The following ZFPM2 variants were observed in gnomAD, a reference collection of about 807,000 sequenced individuals.
ZFPM2 encodes the protein zinc finger protein, FOG family member 2.
A neutral mutation model predicts 98.6 loss-of-function variants in ZFPM2; 20 were observed. That is an observed-to-expected ratio of 0.20 (90% CI 0.14 to 0.29). The LOEUF is 0.29. ZFPM2 is among the 10% of genes least tolerant of loss of function. The pLI, the probability that ZFPM2 is intolerant of heterozygous loss-of-function variation, is 1.00. For missense variants in ZFPM2, 1,310 were observed against 1,388.6 expected, an observed-to-expected ratio of 0.94 and a Z score of 0.90; for synonymous variants, 518 against 502.7, an observed-to-expected ratio of 1.03 and a Z score of -0.41.
intron 5 of ZFPM2, among the ~76,000 whole-genome samples, chr8:105,778,036 C>T (rs1813145752): frequency 6.6e-6 from 1 of 152,156 alleles, no homozygotes; most frequent in Admixed American, 6.5e-5. Context: ...CACAATACCT[C>T]ATATTCCTAC....
At chr8:105,745,185 A>G (rs1037188546) in intron 5 of ZFPM2, among the ~76,000 whole-genome samples, 2 of 152,106 alleles carry the variant, frequency 1.3e-5, no homozygotes, top group Admixed American at 1.3e-4. Flanking sequence ...TACAGAAGCT[A>G]TATTGTATCA....
chr8:105,771,054 A>G (rs1252248317), intron 5 of ZFPM2, among the ~76,000 whole-genome samples: 1 of 152,174 alleles, frequency 6.6e-6, no homozygotes, highest in Non-Finnish European at 1.5e-5. Context: ...TGATAAAGGA[A>G]GAGAAATATG....
At chr8:105,593,310 A>G (rs1815890951) in intron 4 of ZFPM2, among the ~76,000 whole-genome samples, 1 of 152,108 alleles carries the variant, frequency 6.6e-6, no homozygotes, top group African/African-American at 2.4e-5. Context: ...AACTACTGGA[A>G]TTTTAATGAG....
chr8:105,383,339 T>A (rs1810923738), intron 1 of ZFPM2, among the ~76,000 whole-genome samples: 1 of 152,166 alleles, frequency 6.6e-6, no homozygotes, highest in Admixed American at 6.5e-5. Flanking sequence ...TTAGCAGACC[T>A]TTCTAAAGGG....
chr8:105,401,563 C>T (rs1213568620), intron 1 of ZFPM2, among the ~76,000 whole-genome samples: 1 of 152,076 alleles, frequency 6.6e-6, no homozygotes, highest in East Asian at 1.9e-4. Flanking sequence ...CTTACCATGA[C>T]CTGCCAGGTG....
intron 4 of ZFPM2, among the ~76,000 whole-genome samples, chr8:105,574,822 C>T (rs1256648437): frequency 6.6e-6 from 1 of 151,026 alleles, no homozygotes; most frequent in Non-Finnish European, 1.5e-5. Context: ...CCTCTGAAAG[C>T]CACTGCTGCC....
intron 5 of ZFPM2, among the ~76,000 whole-genome samples, chr8:105,652,819 C>T (rs1817207369): frequency 6.6e-6 from 1 of 151,956 alleles, no homozygotes; most frequent in East Asian, 1.9e-4. Flanking sequence ...CACCTCTCCC[C>T]GAAAAAGATA....
At chr8:105,347,840 T>C (rs540614906) in intron 1 of ZFPM2, among the ~76,000 whole-genome samples, 34 of 152,248 alleles carry the variant, frequency 2.2e-4, no homozygotes, top group African/African-American at 2.6e-4. Flanking sequence ...TTATAGCCGT[T>C]GGACATGTTT....
intron 5 of ZFPM2, among the ~76,000 whole-genome samples, chr8:105,775,178 A>C (rs2131098553): frequency 6.6e-6 from 1 of 152,108 alleles, no homozygotes; most frequent in East Asian, 1.9e-4. Flanking sequence ...GGGGGTTTTC[A>C]TCAGGATACC....
At chr8:105,510,405 T>TG (rs1406098092) in intron 3 of ZFPM2, among the ~76,000 whole-genome samples, 1 of 106,436 alleles carries the variant, frequency 9.4e-6, no homozygotes, top group Non-Finnish European at 1.9e-5. Flanking sequence ...CATGTTTTTT[T>TG]TTTTTTTGTT....
intron 4 of ZFPM2, among the ~76,000 whole-genome samples, chr8:105,606,453 C>T (rs1586145474): frequency 6.6e-6 from 1 of 152,006 alleles, no homozygotes; most frequent in African/African-American, 2.4e-5. Context: ...TCTGTCACTG[C>T]TGAGCTTGTG....
chr8:105,719,816 T>C lies in ZFPM2; in HGVS notation c.533-68902T>C, dbSNP rs141119273. Among the ~76,000 whole-genome samples the C allele has an allele frequency of 7.2e-3, 1,094 of 152,050 alleles. 3 individuals carry two copies. The highest frequency in any genetic ancestry group is 0.012 in the Non-Finnish European group (782 of 67,906). On this transcript the variant is annotated intron_variant, in intron 5 of 7. Transcript: ENST00000407775. ...CAACAGGAGTGAACAATATAATTAG[T>C]GGACTTACAGGTTTCTCCATACCAG... is the stretch of plus-strand genomic sequence containing the variant.
chr8:105,547,022 G>A (rs1814722147), intron 3 of ZFPM2, among the ~76,000 whole-genome samples: 1 of 151,938 alleles, frequency 6.6e-6, no homozygotes, highest in Admixed American at 6.6e-5. Context: ...TATAAAATTA[G>A]GACATTCATG....
At chr8:105,671,619 A>G (rs1031815284) in intron 5 of ZFPM2, among the ~76,000 whole-genome samples, 1 of 152,080 alleles carries the variant, frequency 6.6e-6, no homozygotes, top group African/African-American at 2.4e-5. Context: ...AATCTTGGAA[A>G]GATCATTCAT....
intron 3 of ZFPM2, among the ~76,000 whole-genome samples, chr8:105,452,410 A>G (rs1335818336): frequency 6.6e-5 from 10 of 152,048 alleles, no homozygotes; most frequent in Non-Finnish European, 1.3e-4. Context: ...GAATTGGTAT[A>G]TAAGAAATAT....
chr8:105,427,866 G>T (rs1190799848), intron 2 of ZFPM2, among the ~76,000 whole-genome samples: 1 of 152,146 alleles, frequency 6.6e-6, no homozygotes. Flanking sequence ...CTATGTGCCA[G>T]TTACAATAAT....
intron 1 of ZFPM2, among the ~76,000 whole-genome samples, chr8:105,364,583 CT>C (rs1225045949): frequency 6.6e-6 from 1 of 150,984 alleles, no homozygotes; most frequent in Non-Finnish European, 1.5e-5. Context: ...AACCTCCAAA[CT>C]TTTTTATAAT....
At chr8:105,453,852 T>C (rs1358435989) in intron 3 of ZFPM2, among the ~76,000 whole-genome samples, 1 of 152,024 alleles carries the variant, frequency 6.6e-6, no homozygotes, top group Non-Finnish European at 1.5e-5. Flanking sequence ...CTCAAACTCC[T>C]GACCTCAAGT....
At chr8:105,661,666 C>T (rs191863128) in intron 5 of ZFPM2, among the ~76,000 whole-genome samples, 1 of 152,010 alleles carries the variant, frequency 6.6e-6, no homozygotes, top group East Asian at 1.9e-4. Flanking sequence ...CTCTTTTAAT[C>T]CCTGTGGGGC....
Sources: gnomAD v4.1 joint callset for allele counts (sites outside exome capture counted in the v4.1 genomes callset) on GRCh38, gnomAD v4.1.1 for gene constraint, MANE v1.5 for transcripts, NCBI Gene and HGNC (gene_info 2026-07-23, HGNC 2026-07-21) for gene names.